Variants in MAML2 observed in about 807,000 individuals in gnomAD.
MAML2 encodes the protein mastermind-like protein 2.
Under a neutral mutation model 96.1 loss-of-function variants are expected in MAML2, and 22 were observed. That is an observed-to-expected ratio of 0.23 (90% CI 0.16 to 0.33). The LOEUF is 0.33. MAML2 is among the 10% of genes least tolerant of loss of function. The pLI, the probability that MAML2 is intolerant of heterozygous loss-of-function variation, is 1.00. For missense variants in MAML2, 1,367 were observed against 1,392.4 expected (o/e 0.98, Z 0.29); for synonymous variants, 561 against 521.3 (o/e 1.08, Z -1.04).
rs79456147 is a variant in MAML2, at chr11:96,023,141, C to T, written c.2140-31418G>A. 8.4e-3 allele frequency among the ~76,000 whole-genome samples: 1,280 copies of T among 152,270 alleles called. 18 individuals carry two copies. The highest frequency in any genetic ancestry group is 0.044 in the South Asian group (212 of 4,830). Reference sequence around the variant, plus strand: ...TCTGCAGTGGGCAGGCTGGAATGGACGATCCCTGGCAGGCCACTCAGCCCA... The same window carrying T: ...TCTGCAGTGGGCAGGCTGGAATGGATGATCCCTGGCAGGCCACTCAGCCCA... On this transcript the variant is annotated intron_variant, in intron 2 of 4. Transcript: ENST00000524717.
At chr11:96,232,921 A>G (rs963962908) in intron 1 of MAML2, among the ~76,000 whole-genome samples, 1 of 152,226 alleles carries the variant, frequency 6.6e-6, no homozygotes, top group Admixed American at 6.5e-5. Flanking sequence ...TGAGAAAAGT[A>G]AGAAATCAGC....
At chr11:96,132,135 A>G (rs576101792) in intron 1 of MAML2, among the ~76,000 whole-genome samples, 2 of 152,252 alleles carry the variant, frequency 1.3e-5, no homozygotes, top group Non-Finnish European at 2.9e-5. Context: ...GTGCACGTAC[A>G]TATTTTGTTC....
At chr11:96,203,049 T>A (rs1861848452) in intron 1 of MAML2, among the ~76,000 whole-genome samples, 1 of 152,196 alleles carries the variant, frequency 6.6e-6, no homozygotes. Flanking sequence ...CCTTTTAAAA[T>A]CATTTATGAA....
At chr11:96,244,512 A>AACC (rs2135962782) in intron 1 of MAML2, among the ~76,000 whole-genome samples, 2 of 152,354 alleles carry the variant, frequency 1.3e-5, no homozygotes, top group Non-Finnish European at 2.9e-5. Flanking sequence ...TTCATCCTTA[A>AACC]ATTAAAAATG....
At chr11:96,091,854 C>T in intron 2 of MAML2, 38 bp downstream of exon 2, 1 of 1,585,730 alleles carries the variant, frequency 6.3e-7, no homozygotes, top group Non-Finnish European at 8.6e-7. Flanking sequence ...GCTAAATGGT[C>T]TCTGGGAACT....
chr11:96,192,491 C>A (rs1861668131), intron 1 of MAML2, among the ~76,000 whole-genome samples: 1 of 152,162 alleles, frequency 6.6e-6, no homozygotes, highest in Non-Finnish European at 1.5e-5. Flanking sequence ...TCCAAGGATG[C>A]TTCCAATCAT....
chr11:96,218,109 C>A (rs34902663), intron 1 of MAML2, among the ~76,000 whole-genome samples: 1 of 152,144 alleles, frequency 6.6e-6, no homozygotes, highest in Non-Finnish European at 1.5e-5. Context: ...TTGCTTTCTG[C>A]GTCGAGGTAC....
intron 1 of MAML2, among the ~76,000 whole-genome samples, chr11:96,289,281 G>A (rs1213379977): frequency 6.6e-6 from 1 of 152,132 alleles, no homozygotes; most frequent in Non-Finnish European, 1.5e-5. Flanking sequence ...TAACTCTTCA[G>A]TCTATATAGT....
intron 1 of MAML2, among the ~76,000 whole-genome samples, chr11:96,339,116 A>G (rs951757810): frequency 2.0e-5 from 3 of 152,100 alleles, no homozygotes; most frequent in Non-Finnish European, 2.9e-5. Flanking sequence ...ACTATCCCTT[A>G]CCCTCCTAAC....
At chr11:96,189,008 G>A (rs1215240152) in intron 1 of MAML2, among the ~76,000 whole-genome samples, 2 of 151,558 alleles carry the variant, frequency 1.3e-5, no homozygotes, top group Admixed American at 6.6e-5. Flanking sequence ...AAATATTCCT[G>A]GAATTCAGTC....
intron 1 of MAML2, among the ~76,000 whole-genome samples, chr11:96,117,323 T>C (rs1469902455): frequency 2.0e-5 from 3 of 150,142 alleles, no homozygotes. Context: ...TGAGACAGGG[T>C]CTCGCTCTGT....
At chr11:95,982,315 T>G (rs1164718204) in intron 4 of MAML2, among the ~76,000 whole-genome samples, 3 of 151,204 alleles carry the variant, frequency 2.0e-5, no homozygotes, top group Non-Finnish European at 4.4e-5. Context: ...AACAGAGCTT[T>G]GGTTTTAGAA....
chr11:96,170,232 A>T (rs1007839161), intron 1 of MAML2, among the ~76,000 whole-genome samples: 1 of 152,242 alleles, frequency 6.6e-6, no homozygotes, highest in Admixed American at 6.5e-5. Flanking sequence ...AAACAAGGGA[A>T]TCCCAGCCTT....
chr11:96,274,372 G>A (rs1341831870), intron 1 of MAML2, among the ~76,000 whole-genome samples: 1 of 151,934 alleles, frequency 6.6e-6, no homozygotes, highest in African/African-American at 2.4e-5. Context: ...GTGAGCCACC[G>A]CACCTGGCCC....
chr11:96,160,616 T>C (rs975798277), intron 1 of MAML2, among the ~76,000 whole-genome samples: 4 of 152,060 alleles, frequency 2.6e-5, no homozygotes, highest in African/African-American at 4.8e-5. Flanking sequence ...TTAGTACATA[T>C]GGGGTTTTGC....
intron 1 of MAML2, among the ~76,000 whole-genome samples, chr11:96,152,819 C>T (rs1036278268): frequency 5.9e-5 from 9 of 152,118 alleles, no homozygotes; most frequent in Non-Finnish European, 8.8e-5. Context: ...TCAAACATGT[C>T]GGGGCATTCT....
intron 1 of MAML2, among the ~76,000 whole-genome samples, chr11:96,254,372 C>T (rs536469916): frequency 2.0e-5 from 3 of 149,072 alleles, no homozygotes; most frequent in East Asian, 3.9e-4. Context: ...AGTGGGAGTG[C>T]GAAAGGAATG....
intron 2 of MAML2, among the ~76,000 whole-genome samples, chr11:95,997,783 T>C (rs190552465): frequency 4.5e-4 from 68 of 152,306 alleles, no homozygotes; most frequent in Non-Finnish European, 9.1e-4. Flanking sequence ...GTGAGCATCC[T>C]CTTCTTCTAA....
chr11:96,296,403 G>C (rs889312607), intron 1 of MAML2, among the ~76,000 whole-genome samples: 11 of 152,198 alleles, frequency 7.2e-5, no homozygotes, highest in Non-Finnish European at 1.3e-4. Flanking sequence ...CCAGCACTTT[G>C]GGAGGCAGAG....
Sources: gnomAD v4.1 joint callset for allele counts (sites outside exome capture counted in the v4.1 genomes callset) on GRCh38, gnomAD v4.1.1 for gene constraint, MANE v1.5 for transcripts, NCBI Gene and HGNC (gene_info 2026-07-23, HGNC 2026-07-21) for gene names.